SEC24D: variants seen among roughly 807,000 people sequenced by gnomAD.
SEC24D encodes the protein protein transport protein Sec24D.
A neutral mutation model predicts 116.9 loss-of-function variants in SEC24D; 69 were observed. That is an observed-to-expected ratio of 0.59 (90% confidence interval 0.49 to 0.72). SEC24D has a LOEUF of 0.72. SEC24D is among the 30% of genes least tolerant of loss of function. The pLI, the probability that SEC24D is intolerant of heterozygous loss-of-function variation, is 0.00. For synonymous variants in SEC24D, 405 were observed against 442.8 expected (o/e 0.91, Z 1.07); for missense variants, 1,131 against 1,264.1 (o/e 0.89, Z 1.60).
chr4:118,832,587 T>C (rs1730909508), intron 2 of SEC24D, among the ~76,000 whole-genome samples: 1 of 152,206 alleles, frequency 6.6e-6, no homozygotes. Flanking sequence ...TTGAGAGATC[T>C]GGGTATGAAT....
At chr4:118,734,525 T>G (rs1725859499) in intron 19 of SEC24D, among the ~76,000 whole-genome samples, 1 of 152,156 alleles carries the variant, frequency 6.6e-6, no homozygotes, top group South Asian at 2.1e-4. Flanking sequence ...GTTTTCTGTC[T>G]TGATGATGAA....
At chr4:118,816,088 AT>A (rs34404398) in intron 4 of SEC24D, among the ~76,000 whole-genome samples, 30,316 of 100,914 alleles carry the variant, frequency 0.3, 3,155 homozygotes, top group East Asian at 0.44. Flanking sequence ...CGCCAAGTTC[AT>A]TTTTTTTTTT....
chr4:118,740,345 T>C (rs1016157365), intron 17 of SEC24D, among the ~76,000 whole-genome samples: 1 of 152,164 alleles, frequency 6.6e-6, no homozygotes, highest in Admixed American at 6.6e-5. Flanking sequence ...ATTCATATGG[T>C]AGATGTGAAT....
At chr4:118,818,812 G>A (rs1469366877) in intron 3 of SEC24D, among the ~76,000 whole-genome samples, 2 of 151,036 alleles carry the variant, frequency 1.3e-5, no homozygotes, top group East Asian at 3.8e-4. Context: ...GTACGCACAA[G>A]TACAAGCTAT....
intron 20 of SEC24D, 99 bp downstream of exon 20, chr4:118,732,634 T>A (rs1725748979): frequency 8.4e-7 from 1 of 1,189,988 alleles, no homozygotes; most frequent in African/African-American, 1.5e-5. Flanking sequence ...TTAACTTTCC[T>A]CTTAAGAACA....
At chr4:118,732,425 C>G (rs966472322) in intron 20 of SEC24D, among the ~76,000 whole-genome samples, 1 of 152,118 alleles carries the variant, frequency 6.6e-6, no homozygotes, top group Admixed American at 6.5e-5. Context: ...CAGACGTGAG[C>G]CACGGCACCT....
chr4:118,795,797 G>C (rs1729154918), intron 8 of SEC24D, among the ~76,000 whole-genome samples: 1 of 152,162 alleles, frequency 6.6e-6, no homozygotes, highest in African/African-American at 2.4e-5. Context: ...GAAAGGGCAT[G>C]AGATAACTTT....
intron 2 of SEC24D, among the ~76,000 whole-genome samples, chr4:118,831,170 T>C (rs1401145977): frequency 6.6e-6 from 1 of 152,078 alleles, no homozygotes; most frequent in Non-Finnish European, 1.5e-5. Flanking sequence ...TACAAGCATG[T>C]GCCACCATGC....
rs759632227 is a variant in SEC24D, at chr4:118,748,697, C to CT, written c.1707+3298dup. 9.5e-3 allele frequency among the ~76,000 whole-genome samples: 1,413 copies of CT among 148,036 alleles called. 10 individuals are homozygous for CT. Among genetic ancestry groups the CT allele is most frequent in the Middle Eastern group, 0.014 (4 of 292 alleles). The stretch of plus-strand genomic sequence containing the variant: ...CGACAGAGCTTATTATCTCTACCTG[C>CT]TTTTTTTTTTAATAGAAAAGACTAT... On this transcript the variant is annotated intron_variant, in intron 13 of 22. Coordinates refer to ENST00000280551, the MANE Select transcript of SEC24D (RefSeq NM_014822.4).
At chr4:118,749,678 A>C (rs899665791) in intron 13 of SEC24D, among the ~76,000 whole-genome samples, 1 of 152,152 alleles carries the variant, frequency 6.6e-6, no homozygotes, top group African/African-American at 2.4e-5. Context: ...CATTTAAAAA[A>C]ATATAACCAA....
At chr4:118,736,713 T>A in intron 19 of SEC24D, 1 of 156,986 alleles carries the variant, frequency 6.4e-6, no homozygotes, top group South Asian at 1.7e-4. Context: ...TTAAGTTACA[T>A]TATTTTTTAA....
chr4:118,779,362 A>G (rs1381049392), intron 8 of SEC24D, among the ~76,000 whole-genome samples: 1 of 152,156 alleles, frequency 6.6e-6, no homozygotes, highest in Non-Finnish European at 1.5e-5. Context: ...TGAGATAATC[A>G]TGTGGTTTTT....
intron 21 of SEC24D, chr4:118,729,728 T>G (rs1377467241): frequency 6.6e-6 from 1 of 152,216 alleles, no homozygotes; most frequent in Non-Finnish European, 1.5e-5. Context: ...AGCAAGAAGA[T>G]GCCAACAGCC....
rs986757134 is a variant in SEC24D at position 118,728,573 on chromosome 4, T to C, written c.2946A>G (p.Pro982=). ...ATTGCTTTCTTACCTTCATTGAATA[T>C]GGCCTCTTTTGTTGGATAATACCCA... ...MIMGIIQQKR[P]YSMKLTIVKQ... The change falls in exon 22 of 23, where the codon CCA becomes CCG. Residue 982 remains proline (P), a synonymous_variant. Transcript: ENST00000280551. The C allele has an allele frequency of 6.3e-7, 1 of 1,597,902 alleles. No individual in the cohort carries two copies. The highest frequency in any genetic ancestry group is 1.7e-5 in the Admixed American group (1 of 57,948).
At chr4:118,753,259 T>G (rs1306972933) in intron 11 of SEC24D, among the ~76,000 whole-genome samples, 1 of 152,080 alleles carries the variant, frequency 6.6e-6, no homozygotes, top group Non-Finnish European at 1.5e-5. Flanking sequence ...CACCAGAAGG[T>G]CAGAAGAACA....
chr4:118,767,185 C>T (rs1023985529), intron 9 of SEC24D, among the ~76,000 whole-genome samples: 1 of 152,144 alleles, frequency 6.6e-6, no homozygotes, highest in Non-Finnish European at 1.5e-5. Context: ...TTGGGTAAAG[C>T]CATGGACTGT....
intron 17 of SEC24D, among the ~76,000 whole-genome samples, chr4:118,740,330 T>G (rs998007252): frequency 1.3e-5 from 2 of 152,142 alleles, no homozygotes; most frequent in African/African-American, 4.8e-5. Context: ...CCCTAGCAAA[T>G]TAATATTCAT....
At chr4:118,751,195 T>TTTTTTTA (rs1726812363) in intron 13 of SEC24D, among the ~76,000 whole-genome samples, 1 of 145,876 alleles carries the variant, frequency 6.9e-6, no homozygotes, top group African/African-American at 2.5e-5. Context: ...TTTTTTTTTT[T>TTTTTTTA]GAGATGTAGT....
chr4:118,734,322 C>T (rs1228594214), intron 19 of SEC24D, among the ~76,000 whole-genome samples: 1 of 151,844 alleles, frequency 6.6e-6, no homozygotes, highest in Non-Finnish European at 1.5e-5. Flanking sequence ...AAGTGATTCT[C>T]CTGCCTCAGC....
Sources: gnomAD v4.1 joint callset for allele counts (sites outside exome capture counted in the v4.1 genomes callset) on GRCh38, gnomAD v4.1.1 for gene constraint, MANE v1.5 for transcripts, NCBI Gene and HGNC (gene_info 2026-07-23, HGNC 2026-07-21) for gene names.